JAKMIP1: variants seen among roughly 807,000 people sequenced by gnomAD.
JAKMIP1 encodes janus kinase and microtubule interacting protein 1.
A neutral mutation model predicts 113.0 loss-of-function variants in JAKMIP1; 33 were observed. The observed-to-expected ratio is 0.29, with a 90% CI of 0.22 to 0.39. The LOEUF is 0.39. Among genes scored for constraint, JAKMIP1 ranks in the 10% least tolerant of loss-of-function variants. The pLI is 1.00. For synonymous variants in JAKMIP1, 480 were observed against 459.9 expected, an observed-to-expected ratio of 1.04 and a Z score of -0.56; for missense variants, 813 against 1,080.5, an observed-to-expected ratio of 0.75 and a Z score of 3.47.
chr4:6,200,043 T>C lies in JAKMIP1; in HGVS notation c.-148+210A>G, dbSNP rs531261334. Among the ~76,000 whole-genome samples the C allele has an allele frequency of 0.022, 1,483 of 66,156 alleles. 31 individuals carry two copies. The highest frequency in any genetic ancestry group is 0.078 in the African/African-American group (1,416 of 18,040). The allele number at this position is 66,156 out of a possible 152,430, so 43.4% of individuals were successfully genotyped here. A position where few individuals can be genotyped will look rare whatever the true frequency, so the allele number is the denominator to read the frequency against. ...TCTGAAGAGGAGTGGGGGATGGGTA[T>C]GGAAGGGTGGGGGACCACTGAGGTG... is the stretch of plus-strand genomic sequence containing the variant. On this transcript the variant is annotated intron_variant, in intron 1 of 20. Coordinates refer to ENST00000409021, the MANE Select transcript of JAKMIP1 (RefSeq NM_001099433.2). The surrounding 1 kb of genome is among the most constrained non-coding windows in gnomAD (Gnocchi z 7.0).
At chr4:6,101,298 T>C (rs957443114) in intron 3 of JAKMIP1, among the ~76,000 whole-genome samples, 2 of 152,154 alleles carry the variant, frequency 1.3e-5, no homozygotes, top group Admixed American at 1.3e-4. Flanking sequence ...TCCTGTTTTT[T>C]TTTCTTACAG....
rs543869464 is a variant in JAKMIP1, at chr4:6,162,440, G to T, written c.-148+37813C>A. On this transcript the variant is annotated intron_variant, in intron 1 of 20. Transcript: ENST00000409021. This position sits in a 1 kb window ranked among gnomAD's most constrained non-coding sequence, Gnocchi z 5.6. ...GGGAAGTCACCTCCAGAGGCCACAT[G>T]AGCCAAGTGACAGGGGCAGATGGAG... Among the ~76,000 whole-genome samples the T allele has an allele frequency of 7.2e-5, 11 of 152,310 alleles. No individual in the cohort carries two copies. The highest frequency in any genetic ancestry group is 2.4e-4 in the African/African-American group (10 of 41,576).
At chr4:6,177,274 T>A (rs919461555) in intron 1 of JAKMIP1, among the ~76,000 whole-genome samples, 16 of 152,150 alleles carry the variant, frequency 1.1e-4, no homozygotes, top group African/African-American at 3.9e-4. Context: ...TGATCCGACC[T>A]CCCCATTGCA....
chr4:6,070,676 C>T (rs1057406179), intron 8 of JAKMIP1, among the ~76,000 whole-genome samples: 10 of 152,232 alleles, frequency 6.6e-5, no homozygotes, highest in African/African-American at 1.9e-4. Context: ...GGACCCAAAC[C>T]GAGGAGCTGC....
rs1425527448 is a variant in JAKMIP1 at position 6,135,696 on chromosome 4, T to C, written c.-147-22699A>G. Among the ~76,000 whole-genome samples the C allele has an allele frequency of 6.6e-6, 1 of 152,210 alleles. No homozygotes were observed. Among genetic ancestry groups the C allele is most frequent in the Non-Finnish European group, 1.5e-5 (1 of 68,038 alleles). ...TGAGAAGTTGCTTCTTGCCCCATGT[T>C]ACCTATGACAAACCAGAGGCTCTGA... On this transcript the variant is annotated intron_variant, in intron 1 of 20. Transcript: ENST00000409021. This position sits in a 1 kb window ranked among gnomAD's most constrained non-coding sequence, Gnocchi z 4.9.
At chr4:6,056,268 C>T (rs1228534315) in intron 12 of JAKMIP1, among the ~76,000 whole-genome samples, 1 of 141,096 alleles carries the variant, frequency 7.1e-6, no homozygotes, top group Non-Finnish European at 1.5e-5. Flanking sequence ...CCCCAGAGGA[C>T]ATGGCCAGCC....
chr4:6,146,531 C>T (rs770167794), intron 1 of JAKMIP1, among the ~76,000 whole-genome samples: 11 of 152,124 alleles, frequency 7.2e-5, no homozygotes, highest in African/African-American at 2.7e-4. Flanking sequence ...TAGGCTCAAG[C>T]GATCCTCCCG....
At position 6,159,356 on chromosome 4, in the gene JAKMIP1, A is replaced by C. The variant is rs150422411; in HGVS notation, c.-148+40897T>G. Reference sequence around the variant, plus strand: ...GTGTAAGCATCTACAAAAGGCAAAAATTTTAAATCTCTGTACAGCAAAAGC... The same window carrying C: ...GTGTAAGCATCTACAAAAGGCAAAACTTTTAAATCTCTGTACAGCAAAAGC... On this transcript the variant is annotated intron_variant, in intron 1 of 20. Transcript: ENST00000409021. 8.2e-3 allele frequency among the ~76,000 whole-genome samples: 1,251 copies of C among 152,240 alleles called. 7 individuals carry two copies. The highest frequency in any genetic ancestry group is 0.02 in the Middle Eastern group (6 of 294).
chr4:6,171,064 C>T (rs931390531), intron 1 of JAKMIP1, among the ~76,000 whole-genome samples: 3 of 124,286 alleles, frequency 2.4e-5, no homozygotes, highest in African/African-American at 7.9e-5. Context: ...ATGCTGACCA[C>T]CATCACCACC....
At chr4:6,164,197 C>G (rs1723297739) in intron 1 of JAKMIP1, among the ~76,000 whole-genome samples, 1 of 152,234 alleles carries the variant, frequency 6.6e-6, no homozygotes, top group Non-Finnish European at 1.5e-5. Flanking sequence ...AGAGGACAGG[C>G]TGACTCTCTT....
rs1177152165 is a variant in JAKMIP1, at chr4:6,154,692, C to T, written c.-147-41695G>A. On this transcript the variant is annotated intron_variant, in intron 1 of 20. Transcript: ENST00000409021. The surrounding 1 kb of genome is among the most constrained non-coding windows in gnomAD (Gnocchi z 4.2). ...AAATGGAATTCTTTTCAATCCGGCC[C>T]GCTGAACCCCTCTTTCAGTTTACTT... 2.0e-5 allele frequency among the ~76,000 whole-genome samples: 3 copies of T among 151,998 alleles called. No homozygotes were observed. The highest frequency in any genetic ancestry group is 4.4e-5 in the Non-Finnish European group (3 of 68,012).
At chr4:6,120,195 T>TA (rs1362684596) in intron 1 of JAKMIP1, among the ~76,000 whole-genome samples, 1 of 147,512 alleles carries the variant, frequency 6.8e-6, no homozygotes, top group African/African-American at 2.5e-5. Flanking sequence ...TTTTTTTTTT[T>TA]AACAAACATT....
intron 1 of JAKMIP1, among the ~76,000 whole-genome samples, chr4:6,124,684 T>C (rs1717167763): frequency 6.6e-6 from 1 of 152,170 alleles, no homozygotes; most frequent in African/African-American, 2.4e-5. Context: ...GCCTCTGCAC[T>C]GCACCCTGCT....
At chr4:6,032,925 A>G (rs1237090569) in intron 19 of JAKMIP1, among the ~76,000 whole-genome samples, 2 of 152,246 alleles carry the variant, frequency 1.3e-5, no homozygotes, top group East Asian at 1.9e-4. Context: ...GACAATGGAG[A>G]GGGCATTGCC....
intron 1 of JAKMIP1, among the ~76,000 whole-genome samples, chr4:6,195,685 T>C (rs890726631): frequency 1.3e-5 from 2 of 152,168 alleles, no homozygotes; most frequent in African/African-American, 4.8e-5. Context: ...AGCCCCTCTA[T>C]GCGCATCTAT....
rs897790381 is a variant in JAKMIP1 at position 6,065,970 on chromosome 4, T to C, written c.1303-962A>G. On this transcript the variant is annotated intron_variant, in intron 8 of 20. Coordinates refer to ENST00000409021, the MANE Select transcript of JAKMIP1 (RefSeq NM_001099433.2). The surrounding 1 kb of genome is among the most constrained non-coding windows in gnomAD (Gnocchi z 5.1). ...CCCACAATCACCAGATCAATGTCTC[T>C]TATTTTAGGAACATAGCTTTTTTGG... Among the ~76,000 whole-genome samples the C allele has an allele frequency of 1.8e-4, 28 of 152,220 alleles. No homozygotes were observed. Among genetic ancestry groups the C allele is most frequent in the Non-Finnish European group, 3.4e-4 (23 of 68,030 alleles).
chr4:6,069,619 G>A lies in JAKMIP1; in HGVS notation c.1303-4611C>T, dbSNP rs1718667299. Among the ~76,000 whole-genome samples, 1 of 152,134 alleles carries A rather than the reference G, an allele frequency of 6.6e-6. No individual in the cohort carries two copies. The highest frequency in any genetic ancestry group is 1.9e-4 in the East Asian group (1 of 5,188). On this transcript the variant is annotated intron_variant, in intron 8 of 20. Coordinates refer to ENST00000409021, the MANE Select transcript of JAKMIP1 (RefSeq NM_001099433.2). The surrounding 1 kb of genome is among the most constrained non-coding windows in gnomAD (Gnocchi z 4.5). ...ATTTAAAAAGTTAGCCGAGTATGGT[G>A]GCTGACGCCTGTAGTCCCAGCTACT...
rs2108743247 is a variant in JAKMIP1, at chr4:6,031,051, C to T, written c.2380-1270G>A. On this transcript the variant is annotated intron_variant, in intron 19 of 20. Transcript: ENST00000409021. This position sits in a 1 kb window ranked among gnomAD's most constrained non-coding sequence, Gnocchi z 4.4. ...CCAGTCCTGGAGAGAAAGACAAAGTCCCTCCCCTTATAGTTCAATTACCGT... is the reference window on the plus strand; with the variant it reads ...CCAGTCCTGGAGAGAAAGACAAAGTTCCTCCCCTTATAGTTCAATTACCGT... Among the ~76,000 whole-genome samples, 1 of 152,320 alleles carries T rather than the reference C, an allele frequency of 6.6e-6. No individual in the cohort carries two copies. Among genetic ancestry groups the T allele is most frequent in the African/African-American group, 2.4e-5 (1 of 41,578 alleles).
chr4:6,147,873 T>A (rs983696886), intron 1 of JAKMIP1, among the ~76,000 whole-genome samples: 8 of 152,230 alleles, frequency 5.3e-5, no homozygotes, highest in Non-Finnish European at 1.2e-4. Context: ...CTTGTTCCCA[T>A]CCAATTGTTC....
Sources: gnomAD v4.1 joint callset for allele counts (sites outside exome capture counted in the v4.1 genomes callset) on GRCh38, gnomAD v4.1.1 for gene constraint, Gnocchi (gnomAD v3.1) non-coding constraint, MANE v1.5 for transcripts, NCBI Gene and HGNC (gene_info 2026-07-23, HGNC 2026-07-21) for gene names.